Variants in ZFPM2 observed in about 807,000 individuals in gnomAD.
ZFPM2 encodes zinc finger protein ZFPM2.
ZFPM2 carries 20 observed loss-of-function variants against 98.6 expected under a neutral mutation model. The observed-to-expected ratio is 0.20, with a 90% CI of 0.14 to 0.29. ZFPM2 has a LOEUF of 0.29. Among genes scored for constraint, ZFPM2 ranks in the 10% least tolerant of loss-of-function variants. The pLI is 1.00. For missense variants in ZFPM2, 1,310 were observed against 1,388.6 expected (o/e 0.94, Z 0.90); for synonymous variants, 518 against 502.7 (o/e 1.03, Z -0.41).
intron 5 of ZFPM2, among the ~76,000 whole-genome samples, chr8:105,679,561 A>T (rs965108569): frequency 5.9e-5 from 9 of 152,138 alleles, no homozygotes; most frequent in African/African-American, 2.4e-5. Context: ...TGGTTTATTG[A>T]AAGTCCATAC....
chr8:105,595,537 T>C (rs2130773459), intron 4 of ZFPM2, among the ~76,000 whole-genome samples: 1 of 152,152 alleles, frequency 6.6e-6, no homozygotes, highest in East Asian at 1.9e-4. Flanking sequence ...AGAAAATAAA[T>C]TGGGACTGCC....
chr8:105,467,061 A>G (rs1283636645), intron 3 of ZFPM2, among the ~76,000 whole-genome samples: 1 of 152,066 alleles, frequency 6.6e-6, no homozygotes. Flanking sequence ...CAAGAGAAAC[A>G]TCGTATGTAT....
chr8:105,488,535 G>T (rs192001278), intron 3 of ZFPM2, among the ~76,000 whole-genome samples: 10 of 152,236 alleles, frequency 6.6e-5, no homozygotes, highest in African/African-American at 2.2e-4. Context: ...GCTGAGGCAG[G>T]TGGATCACAA....
At chr8:105,730,449 C>T (rs536540330) in intron 5 of ZFPM2, among the ~76,000 whole-genome samples, 22 of 151,874 alleles carry the variant, frequency 1.4e-4, no homozygotes, top group African/African-American at 5.1e-4. Flanking sequence ...TGATGCCAAT[C>T]ACCTCCCATC....
intron 3 of ZFPM2, among the ~76,000 whole-genome samples, chr8:105,540,763 G>A (rs1442224897): frequency 6.6e-6 from 1 of 152,070 alleles, no homozygotes; most frequent in Non-Finnish European, 1.5e-5. Flanking sequence ...GTTCTTTCCT[G>A]TGAAACTTCC....
chr8:105,655,720 A>G (rs933918645), intron 5 of ZFPM2, among the ~76,000 whole-genome samples: 5 of 152,208 alleles, frequency 3.3e-5, no homozygotes, highest in East Asian at 1.9e-4. Flanking sequence ...AAGAGTGTCT[A>G]TGGAAGAGGA....
At chr8:105,536,246 T>C (rs1380466186) in intron 3 of ZFPM2, among the ~76,000 whole-genome samples, 2 of 152,166 alleles carry the variant, frequency 1.3e-5, no homozygotes, top group Non-Finnish European at 2.9e-5. Flanking sequence ...TAATAATGAA[T>C]GTGGTCTATT....
chr8:105,388,091 A>T (rs1811037211), intron 1 of ZFPM2, among the ~76,000 whole-genome samples: 1 of 152,226 alleles, frequency 6.6e-6, no homozygotes, highest in Admixed American at 6.5e-5. Flanking sequence ...AACTGATAAA[A>T]GATATGATAT....
intron 1 of ZFPM2, among the ~76,000 whole-genome samples, chr8:105,403,850 T>TA (rs1811386870): frequency 6.6e-6 from 1 of 152,040 alleles, no homozygotes; most frequent in Admixed American, 6.6e-5. Context: ...CAGGCACAGA[T>TA]AGATACTCAG....
chr8:105,558,145 C>A (rs1231236152), intron 3 of ZFPM2, among the ~76,000 whole-genome samples: 2 of 152,094 alleles, frequency 1.3e-5, no homozygotes, highest in Non-Finnish European at 2.9e-5. Flanking sequence ...AATAAAATAT[C>A]ATACTCTTAA....
intron 3 of ZFPM2, among the ~76,000 whole-genome samples, chr8:105,495,104 T>C (rs1249811459): frequency 1.3e-5 from 2 of 152,362 alleles, no homozygotes; most frequent in East Asian, 3.9e-4. Context: ...GTTTGCCCAC[T>C]CTTGACCTAC....
intron 1 of ZFPM2, among the ~76,000 whole-genome samples, chr8:105,338,985 A>G (rs1812374038): frequency 6.6e-6 from 1 of 151,800 alleles, no homozygotes; most frequent in South Asian, 2.1e-4. Flanking sequence ...GGGCAGGCAT[A>G]TCTCTCAGGA....
At chr8:105,503,260 C>A (rs1813632167) in intron 3 of ZFPM2, among the ~76,000 whole-genome samples, 1 of 152,102 alleles carries the variant, frequency 6.6e-6, no homozygotes, top group African/African-American at 2.4e-5. Flanking sequence ...AAGGGAGCAA[C>A]TCGAAGAGGG....
intron 3 of ZFPM2, among the ~76,000 whole-genome samples, chr8:105,498,027 CAAAA>C (rs1195802124): frequency 1.6e-5 from 1 of 61,910 alleles, no homozygotes. Context: ...CCGTCTCTAC[CAAAA>C]AAAAAAAAAA....
At chr8:105,475,238 A>G (rs1028693124) in intron 3 of ZFPM2, among the ~76,000 whole-genome samples, 2 of 152,310 alleles carry the variant, frequency 1.3e-5, no homozygotes, top group Admixed American at 1.3e-4. Context: ...CTCTAATTTT[A>G]TAACCACAAG....
At chr8:105,625,499 T>C (rs191958815) in intron 4 of ZFPM2, among the ~76,000 whole-genome samples, 3 of 152,294 alleles carry the variant, frequency 2.0e-5, no homozygotes, top group East Asian at 3.9e-4. Flanking sequence ...AAGATTTTAA[T>C]TGAAGCAAGT....
chr8:105,712,239 T>G (rs1388585987), intron 5 of ZFPM2, among the ~76,000 whole-genome samples: 2 of 152,082 alleles, frequency 1.3e-5, no homozygotes, highest in African/African-American at 2.4e-5. Context: ...TATTCATTGA[T>G]TCTACAAATA....
intron 1 of ZFPM2, among the ~76,000 whole-genome samples, chr8:105,340,003 G>A (rs1363771175): frequency 5.9e-5 from 9 of 151,866 alleles, no homozygotes; most frequent in African/African-American, 1.4e-4. Flanking sequence ...TTGTATTTTC[G>A]TTTATTTCCA....
chr8:105,704,859 A>G (rs1307820668), intron 5 of ZFPM2, among the ~76,000 whole-genome samples: 2 of 152,142 alleles, frequency 1.3e-5, no homozygotes, highest in African/African-American at 4.8e-5. Context: ...CATTTAGTTC[A>G]CTGGTTAGCA....
Sources: gnomAD v4.1 joint callset for allele counts (sites outside exome capture counted in the v4.1 genomes callset) on GRCh38, gnomAD v4.1.1 for gene constraint, MANE v1.5 for transcripts, NCBI Gene and HGNC (gene_info 2026-07-23, HGNC 2026-07-21) for gene names.